The following RSRC1 variants were observed in gnomAD, a reference collection of about 807,000 sequenced individuals.
The protein encoded by RSRC1 is arginine and serine rich coiled-coil 1.
RSRC1 carries 39 observed loss-of-function variants against 49.1 expected under a neutral mutation model. That is an observed-to-expected ratio of 0.79 (90% CI 0.61 to 1.04). The LOEUF (loss-of-function observed/expected upper bound fraction) is 1.04, where lower values mean the gene tolerates loss of function less well. RSRC1 is among the 50% of genes least tolerant of loss of function. The probability of loss-of-function intolerance (pLI) is 0.00; values close to 1 mark genes in which losing one functional copy is unlikely to be tolerated. For missense variants in RSRC1, 388 were observed against 402.4 expected, an observed-to-expected ratio of 0.96 and a Z score of 0.31; for synonymous variants, 143 against 130.8, an observed-to-expected ratio of 1.09 and a Z score of -0.63.
At chr3:158,416,861 A>G (rs1467430242) in intron 6 of RSRC1, among the ~76,000 whole-genome samples, 1 of 152,020 alleles carries the variant, frequency 6.6e-6, no homozygotes, top group Non-Finnish European at 1.5e-5. Flanking sequence ...CTTTAAAGCC[A>G]ATTAGTATTT....
intron 4 of RSRC1, among the ~76,000 whole-genome samples, chr3:158,230,727 C>CT (rs1395124908): frequency 1.3e-5 from 2 of 152,036 alleles, no homozygotes; most frequent in East Asian, 3.9e-4. Flanking sequence ...TTCCTTTTCT[C>CT]TTGCAGTACT....
chr3:158,363,259 C>CTTTTTTTTTTTT (rs1038572216), intron 6 of RSRC1, among the ~76,000 whole-genome samples: 1 of 129,110 alleles, frequency 7.7e-6, no homozygotes, highest in Non-Finnish European at 1.6e-5. Flanking sequence ...TCTCCAGCTA[C>CTTTTTTTTTTTT]TTTTTTTTTC....
In RSRC1 at chr3:158,110,183, G is replaced by A. The variant is rs1018072374; in HGVS notation, c.-43G>A. ...AAACGACTCAGGGACTGCGGCGCTT[G>A]CACGTCAACGGGAGGTGTGAGCCCA... On this transcript the variant is annotated 5_prime_UTR_variant, in exon 1 of 10. Coordinates refer to ENST00000611884, the MANE Select transcript of RSRC1 (RefSeq NM_001271838.2). The A allele has an allele frequency of 6.6e-6, 1 of 152,298 alleles. No individual in the cohort carries two copies. Among genetic ancestry groups the A allele is most frequent in the Non-Finnish European group, 1.5e-5 (1 of 68,086 alleles). The allele number at this position is 152,298 out of a possible 1,614,324, so 9.4% of individuals were successfully genotyped here.
chr3:158,433,534 A>C (rs1341305569), intron 6 of RSRC1, among the ~76,000 whole-genome samples: 1 of 151,842 alleles, frequency 6.6e-6, no homozygotes, highest in Non-Finnish European at 1.5e-5. Flanking sequence ...CTGCTCTCAA[A>C]CTCCAGCCAC....
chr3:158,300,769 T>C (rs2108122727), intron 5 of RSRC1, among the ~76,000 whole-genome samples: 1 of 152,300 alleles, frequency 6.6e-6, no homozygotes, highest in Admixed American at 6.5e-5. Context: ...ATTATTTACT[T>C]AGATTATCAT....
intron 5 of RSRC1, among the ~76,000 whole-genome samples, chr3:158,304,253 G>GT (rs1452317990): frequency 6.6e-6 from 1 of 152,162 alleles, no homozygotes; most frequent in African/African-American, 2.4e-5. Flanking sequence ...TTGCTATTAG[G>GT]TATTCATCAA....
intron 7 of RSRC1, among the ~76,000 whole-genome samples, chr3:158,505,768 T>C (rs543873674): frequency 2.3e-5 from 3 of 130,508 alleles, no homozygotes; most frequent in East Asian, 4.8e-4. Context: ...AAGAATTAGA[T>C]AGATGAAAGG....
chr3:158,302,742 G>C (rs1049557611), intron 5 of RSRC1: 2 of 147,108 alleles, frequency 1.4e-5, no homozygotes, highest in Non-Finnish European at 3.0e-5. Context: ...GCTCACTGCA[G>C]CCTCCACCTC....
chr3:158,380,097 A>G (rs1732621338), intron 6 of RSRC1, among the ~76,000 whole-genome samples: 1 of 152,172 alleles, frequency 6.6e-6, no homozygotes, highest in African/African-American at 2.4e-5. Flanking sequence ...ATTTTTCTCT[A>G]GCTACTAAAA....
rs1015769911 is a variant in RSRC1 at position 158,284,592 on chromosome 3, G to C, written c.495-13447G>C. The stretch of plus-strand genomic sequence containing the variant: ...TTTTTAATGATTGCCATTCTAACTG[G>C]TGTGAGATGGTATCTCATTGTGGTT... On this transcript the variant is annotated intron_variant, in intron 4 of 9. Transcript: ENST00000611884. 6.9e-5 allele frequency among the ~76,000 whole-genome samples: 10 copies of C among 144,876 alleles called. No individual in the cohort carries two copies. The Admixed American group carries it at 6.9e-4, about 10-fold the overall frequency.
intron 3 of RSRC1, among the ~76,000 whole-genome samples, chr3:158,146,407 T>C (rs975294113): frequency 6.6e-6 from 1 of 152,176 alleles, no homozygotes; most frequent in Non-Finnish European, 1.5e-5. Flanking sequence ...TTGTCATTGG[T>C]TCTGTTTATA....
chr3:158,177,247 A>T (rs976542229), intron 3 of RSRC1, among the ~76,000 whole-genome samples: 1 of 152,212 alleles, frequency 6.6e-6, no homozygotes, highest in East Asian at 1.9e-4. Flanking sequence ...TTCATCGAGG[A>T]TCTAGAACTA....
At chr3:158,208,146 CTT>C (rs1430818321) in intron 4 of RSRC1, among the ~76,000 whole-genome samples, 1 of 152,016 alleles carries the variant, frequency 6.6e-6, no homozygotes, top group Non-Finnish European at 1.5e-5. Context: ...TGTTTAATGA[CTT>C]TTAATGTTTT....
intron 3 of RSRC1, among the ~76,000 whole-genome samples, chr3:158,184,393 A>G (rs959150860): frequency 2.5e-4 from 38 of 152,180 alleles, no homozygotes; most frequent in African/African-American, 8.4e-4. Flanking sequence ...CCCTGAGCAT[A>G]TAACACAGTG....
At chr3:158,297,098 G>A (rs190533407) in intron 4 of RSRC1, among the ~76,000 whole-genome samples, 10 of 152,018 alleles carry the variant, frequency 6.6e-5, no homozygotes, top group Admixed American at 5.2e-4. Flanking sequence ...TATTGTTGGA[G>A]GATTTATATT....
chr3:158,389,092 G>C (rs1733132066), intron 6 of RSRC1, among the ~76,000 whole-genome samples: 1 of 152,138 alleles, frequency 6.6e-6, no homozygotes, highest in Admixed American at 6.5e-5. Flanking sequence ...GTAAATGAAA[G>C]TACTGAGAAT....
At chr3:158,404,457 A>G (rs1174266700) in intron 6 of RSRC1, among the ~76,000 whole-genome samples, 3 of 151,978 alleles carry the variant, frequency 2.0e-5, no homozygotes, top group African/African-American at 7.2e-5. Context: ...AGTCACTGCT[A>G]CAAACTATAA....
intron 4 of RSRC1, among the ~76,000 whole-genome samples, chr3:158,239,036 A>C (rs1347161720): frequency 6.6e-6 from 1 of 151,488 alleles, no homozygotes; most frequent in Non-Finnish European, 1.5e-5. Context: ...AAAAACCATC[A>C]AAAAGTGGGC....
intron 5 of RSRC1, among the ~76,000 whole-genome samples, chr3:158,345,788 TACACATATATATGTATTAC>T (rs897847992): frequency 6.7e-5 from 10 of 148,774 alleles, no homozygotes; most frequent in Non-Finnish European, 1.5e-4. Flanking sequence ...TATATATATA[TACACATATATATGTATTAC>T]ACACATATAT....
Sources: allele counts gnomAD v4.1 joint callset (sites outside exome capture counted in the v4.1 genomes callset), GRCh38; gene constraint gnomAD v4.1.1; transcripts MANE v1.5; gene names NCBI Gene and HGNC (gene_info 2026-07-23, HGNC 2026-07-21).